MTHFD2L: variants seen among roughly 807,000 people sequenced by gnomAD.
The protein encoded by MTHFD2L is bifunctional methylenetetrahydrofolate dehydrogenase/cyclohydrolase 2, mitochondrial.
In MTHFD2L, 29 loss-of-function variants were observed where a neutral mutation model predicts 34.9. The observed-to-expected ratio is 0.83, with a 90% CI of 0.62 to 1.13. The LOEUF is 1.13. MTHFD2L is among the 50% of genes most tolerant of loss of function. The pLI is 0.00. For synonymous variants in MTHFD2L, 167 were observed against 155.7 expected (o/e 1.07, Z -0.54); for missense variants, 481 against 446.5 (o/e 1.08, Z -0.70).
At chr4:74,178,481 G>A (rs953105705) in intron 3 of MTHFD2L, among the ~76,000 whole-genome samples, 1 of 151,882 alleles carries the variant, frequency 6.6e-6, no homozygotes, top group Non-Finnish European at 1.5e-5. Context: ...GAATTTATTA[G>A]CAGCTCGCTG....
intron 3 of MTHFD2L, among the ~76,000 whole-genome samples, chr4:74,181,403 C>T (rs536269900): frequency 6.6e-6 from 1 of 152,202 alleles, no homozygotes; most frequent in East Asian, 1.9e-4. Flanking sequence ...CAATCCTTAC[C>T]AGTAGATGCT....
intron 5 of MTHFD2L, among the ~76,000 whole-genome samples, chr4:74,215,334 C>T (rs760883452): frequency 2.0e-5 from 3 of 151,776 alleles, no homozygotes; most frequent in Non-Finnish European, 2.9e-5. Flanking sequence ...CGTAGGCACC[C>T]GAGGGAATCT....
At chr4:74,158,108 G>A (rs1482395321), upstream of MTHFD2L, 1 of 1,529,854 alleles carries the variant, frequency 6.5e-7, no homozygotes, top group Admixed American at 2.0e-5. Context: ...GGGAGGTGGA[G>A]CCCCAGTCCG....
rs74604724 is a variant in MTHFD2L, at chr4:74,250,242, T to G, written c.805+24848T>G. Among the ~76,000 whole-genome samples, 943 of 152,318 alleles carry G rather than the reference T, an allele frequency of 6.2e-3. 10 individuals are homozygous for G. The highest frequency in any genetic ancestry group is 0.022 in the African/African-American group (904 of 41,568). ...GGATTTTCAATAATTTTTAAGAACA[T>G]AAAGGAGTTCTGAAACAAAAAAGTT... On this transcript the variant is annotated intron_variant, in intron 6 of 7. Coordinates refer to ENST00000325278, the MANE Select transcript of MTHFD2L (RefSeq NM_001144978.3).
At chr4:74,164,903 T>C (rs1387058172) in intron 1 of MTHFD2L, 1 of 920,106 alleles carries the variant, frequency 1.1e-6, no homozygotes, top group East Asian at 1.2e-4. Flanking sequence ...AGGGCACCTT[T>C]TCTTGCCTTT....
intron 7 of MTHFD2L, among the ~76,000 whole-genome samples, chr4:74,284,553 T>C (rs186075404): frequency 7.8e-4 from 119 of 152,116 alleles, no homozygotes; most frequent in African/African-American, 2.6e-3. Flanking sequence ...CTTGTAAATT[T>C]GTTTGAGTTC....
chr4:74,190,278 C>T (rs140624705), intron 3 of MTHFD2L, among the ~76,000 whole-genome samples: 14 of 152,268 alleles, frequency 9.2e-5, no homozygotes, highest in African/African-American at 2.9e-4. Context: ...ACATTGCTTA[C>T]AAGAACAAGG....
rs1738981613 is a variant in MTHFD2L at position 74,225,378 on chromosome 4, TATC to T, written c.792_794del (p.Ile265del). ...AGATTCATACGCAGCTGGCAGATAT[TATC>T]ATAGTTGCTGCAGGTAAGTCCTTAG... On this transcript the variant is annotated inframe_deletion, in exon 6 of 8. Transcript: ENST00000325278. 2 of 1,612,770 alleles carry T rather than the reference TATC, an allele frequency of 1.2e-6. No individual in the cohort carries two copies. The highest frequency in any genetic ancestry group is 2.7e-5 in the African/African-American group (2 of 74,870).
chr4:74,182,656 G>C (rs1282398961), intron 3 of MTHFD2L: 1 of 151,942 alleles, frequency 6.6e-6, no homozygotes, highest in Non-Finnish European at 1.5e-5. Flanking sequence ...TTTTTTCTGT[G>C]ACAGAGACAA....
intron 6 of MTHFD2L, among the ~76,000 whole-genome samples, chr4:74,238,950 A>C (rs1327021076): frequency 1.3e-5 from 2 of 152,236 alleles, no homozygotes; most frequent in Non-Finnish European, 2.9e-5. Context: ...ATCTAGAACT[A>C]GAAATACCAT....
intron 5 of MTHFD2L, among the ~76,000 whole-genome samples, chr4:74,210,710 C>A (rs1302600447): frequency 6.6e-6 from 1 of 151,744 alleles, no homozygotes; most frequent in African/African-American, 2.4e-5. Context: ...ATATTTTTTT[C>A]TAATTTTGTG....
At chr4:74,283,854 T>A (rs1747805401) in intron 7 of MTHFD2L, among the ~76,000 whole-genome samples, 1 of 152,112 alleles carries the variant, frequency 6.6e-6, no homozygotes. Flanking sequence ...TGATAGGTTT[T>A]GACATGTTGC....
intron 3 of MTHFD2L, among the ~76,000 whole-genome samples, chr4:74,193,558 A>G (rs1241077962): frequency 6.6e-6 from 1 of 152,190 alleles, no homozygotes. Context: ...GAGTCTTCCA[A>G]TCTATGAACA....
intron 6 of MTHFD2L, among the ~76,000 whole-genome samples, chr4:74,265,763 G>T (rs565908446): frequency 1.3e-5 from 2 of 152,228 alleles, no homozygotes; most frequent in African/African-American, 4.8e-5. Context: ...AAAATACATT[G>T]TAAAATAGTA....
intron 3 of MTHFD2L, among the ~76,000 whole-genome samples, chr4:74,181,258 T>C (rs1730111168): frequency 6.6e-6 from 1 of 152,178 alleles, no homozygotes; most frequent in Non-Finnish European, 1.5e-5. Flanking sequence ...CTCAATGAAA[T>C]TTTAATATGG....
chr4:74,222,433 G>T (rs889738375), intron 5 of MTHFD2L, among the ~76,000 whole-genome samples: 2 of 152,116 alleles, frequency 1.3e-5, no homozygotes, highest in Non-Finnish European at 2.9e-5. Flanking sequence ...GGCTGAACTT[G>T]TTCATTTAGA....
At chr4:74,256,039 A>T (rs1454177093) in intron 6 of MTHFD2L, among the ~76,000 whole-genome samples, 1 of 152,238 alleles carries the variant, frequency 6.6e-6, no homozygotes, top group Non-Finnish European at 1.5e-5. Flanking sequence ...GTCAAATGGT[A>T]GTTCTGTTTC....
At chr4:74,239,753 TAATC>T (rs944518548) in intron 6 of MTHFD2L, among the ~76,000 whole-genome samples, 11 of 152,188 alleles carry the variant, frequency 7.2e-5, no homozygotes, top group South Asian at 2.1e-4. Context: ...ATGAAGATAA[TAATC>T]AATATAAGAA....
intron 4 of MTHFD2L, 75 bp downstream of exon 4, chr4:74,200,021 A>G (rs1389957814): frequency 7.4e-7 from 1 of 1,358,778 alleles, no homozygotes; most frequent in Non-Finnish European, 1.0e-6. Context: ...ACTTGATGGG[A>G]CTACCTCAGT....
Sources: allele counts gnomAD v4.1 joint callset (sites outside exome capture counted in the v4.1 genomes callset), GRCh38; gene constraint gnomAD v4.1.1; transcripts MANE v1.5; gene names NCBI Gene and HGNC (gene_info 2026-07-23, HGNC 2026-07-21).